Variants in CPO observed in about 807,000 individuals in gnomAD.
CPO encodes metallocarboxypeptidase C.
CPO carries 43 observed loss-of-function variants against 41.2 expected under a neutral mutation model. That is an observed-to-expected ratio of 1.04 (90% confidence interval 0.82 to 1.35). The LOEUF is 1.35. Ranked by LOEUF, CPO falls within the 40% of genes most tolerant of loss-of-function variation. The pLI, the probability that CPO is intolerant of heterozygous loss-of-function variation, is 0.00. For missense variants in CPO, 408 were observed against 451.7 expected (o/e 0.90, Z 0.88); for synonymous variants, 178 against 162.7 (o/e 1.09, Z -0.72).
intron 3 of CPO, among the ~76,000 whole-genome samples, chr2:206,957,531 G>A (rs1421559154): frequency 6.6e-6 from 1 of 152,172 alleles, no homozygotes; most frequent in Non-Finnish European, 1.5e-5. Context: ...TAGAGAGGAA[G>A]GGGGCCTTCA....
chr2:206,957,242 G>A (rs1348182950), intron 3 of CPO, among the ~76,000 whole-genome samples: 2 of 152,004 alleles, frequency 1.3e-5, no homozygotes, highest in Non-Finnish European at 2.9e-5. Context: ...TGGGCGTGGT[G>A]GCATGTGCCT....
chr2:206,954,268 T>C (rs1693318362), intron 2 of CPO, among the ~76,000 whole-genome samples: 1 of 152,212 alleles, frequency 6.6e-6, no homozygotes, highest in African/African-American at 2.4e-5. Context: ...CAAAACTTTA[T>C]GCTCTGTCCC....
intron 7 of CPO, among the ~76,000 whole-genome samples, chr2:206,963,055 A>C (rs73983128): frequency 0.011 from 1,639 of 152,328 alleles, 35 homozygotes; most frequent in African/African-American, 0.038. Context: ...TTCTCTGCTA[A>C]ACACAATGCT....
At chr2:206,945,957 T>A (rs1047960818) in intron 1 of CPO, among the ~76,000 whole-genome samples, 15 of 146,260 alleles carry the variant, frequency 1.0e-4, no homozygotes, top group South Asian at 6.4e-4. Context: ...AATAAATATT[T>A]AAAAAAATTT....
At chr2:206,944,221 T>C (rs1402796583) in intron 1 of CPO, among the ~76,000 whole-genome samples, 2 of 152,050 alleles carry the variant, frequency 1.3e-5, no homozygotes, top group African/African-American at 4.8e-5. Flanking sequence ...CTATTGTTAG[T>C]ATAAAATATA....
At chr2:206,952,628 CA>C (rs1559071115) in intron 2 of CPO, among the ~76,000 whole-genome samples, 1 of 152,140 alleles carries the variant, frequency 6.6e-6, no homozygotes, top group Non-Finnish European at 1.5e-5. Flanking sequence ...GTAATTAAAT[CA>C]GCTGCTATTC....
At chr2:206,958,793 G>A (rs1693423574) in intron 4 of CPO, among the ~76,000 whole-genome samples, 1 of 136,656 alleles carries the variant, frequency 7.3e-6, no homozygotes, top group Admixed American at 7.9e-5. Context: ...CCAGGCTGGA[G>A]TGTAATGGCA....
chr2:206,960,706 A>T, intron 5 of CPO, 146 bp from the exon 6 acceptor site: 1 of 660,826 alleles, frequency 1.5e-6, no homozygotes, highest in South Asian at 1.9e-5. Context: ...ACTAAAAATT[A>T]CACACACAAG....
chr2:206,950,058 T>G (rs1693221708), intron 2 of CPO, among the ~76,000 whole-genome samples: 1 of 152,198 alleles, frequency 6.6e-6, no homozygotes, highest in Non-Finnish European at 1.5e-5. Flanking sequence ...CATTGCTGTT[T>G]ATATGGGTGT....
chr2:206,967,059 A>G (rs1693587665), intron 7 of CPO, among the ~76,000 whole-genome samples: 1 of 152,046 alleles, frequency 6.6e-6, no homozygotes, highest in Non-Finnish European at 1.5e-5. Context: ...GGAAGCCCTG[A>G]GGGGTAAGGC....
rs546703028 is a variant in CPO, at chr2:206,957,632, T to C, written c.268-669T>C. 2.0e-5 allele frequency among the ~76,000 whole-genome samples: 3 copies of C among 152,040 alleles called. No homozygotes were observed. In the East Asian group the frequency reaches 5.8e-4, roughly 29 times the overall value. On this transcript the variant is annotated intron_variant, in intron 3 of 8. Coordinates refer to ENST00000272852, the MANE Select transcript of CPO (RefSeq NM_173077.3). ...GATGTGACTGTTCCAAGCATGGGAG[T>C]GTTAACAGCCTCTTCTCCACCAAAG...
rs2105831801 is a variant in CPO, at chr2:206,969,383, A to T, written c.1072A>T (p.Thr358Ser). 1 of 1,614,040 alleles carries T rather than the reference A, an allele frequency of 6.2e-7. No homozygotes were observed. Among genetic ancestry groups the T allele is most frequent in the Non-Finnish European group, 8.5e-7 (1 of 1,179,988 alleles). The stretch of plus-strand genomic sequence containing the variant: ...GCACTCGGACAGTGCTGGAAGGGTG[A>T]CATCTGCCACTATGCTGCTGGGCCT... ...HWHSDSAGRV[T>S]SATMLLGLLV... Residue 358 changes from threonine (T) to serine (S), a missense_variant, in exon 9 of 9, where the codon ACA becomes TCA. Physicochemically the swap from Thr to Ser is moderately conservative, Grantham distance 58. Coordinates refer to ENST00000272852, the MANE Select transcript of CPO (RefSeq NM_173077.3).
chr2:206,949,609 C>A lies in CPO; in HGVS notation c.69-8C>A, dbSNP rs759031634. 6.2e-6 allele frequency: 10 copies of A among 1,608,674 alleles called. No homozygotes were observed. Among genetic ancestry groups the A allele is most frequent in the Non-Finnish European group, 7.7e-6 (9 of 1,175,546 alleles). ...ACTGCTTTTCCTCTTACTTTCTTCC[C>A]TTTGCAGATCCTTAGCCCAACACAG... On this transcript the variant is annotated splice_polypyrimidine_tract_variant and splice_region_variant and intron_variant, in intron 1 of 8. Transcript: ENST00000272852.
intron 7 of CPO, among the ~76,000 whole-genome samples, chr2:206,966,871 G>A (rs1693585177): frequency 6.6e-6 from 1 of 152,140 alleles, no homozygotes; most frequent in South Asian, 2.1e-4. Flanking sequence ...CTGCCTTTTG[G>A]CCAACATAAA....
intron 1 of CPO, among the ~76,000 whole-genome samples, chr2:206,944,473 AATAG>A (rs570869842): frequency 1.1e-3 from 169 of 152,132 alleles, no homozygotes; most frequent in African/African-American, 3.9e-3. Flanking sequence ...AAATATTATA[AATAG>A]ATTTGTGAAT....
chr2:206,941,527 G>T (rs1693029712), intron 1 of CPO, among the ~76,000 whole-genome samples: 1 of 152,044 alleles, frequency 6.6e-6, no homozygotes, highest in Non-Finnish European at 1.5e-5. Context: ...TAAAAAATTA[G>T]ATTCCAAGCC....
Position 206,967,349 on chromosome 2 carries a change from A to C in CPO, c.778-914A>C, listed in dbSNP as rs11891069. ...TGAAATGCTATATATATATATATAT[A>C]TAGATATATAGATATAGATATAGAT... On this transcript the variant is annotated intron_variant, in intron 7 of 8. Transcript: ENST00000272852. Among the ~76,000 whole-genome samples, 1,120 of 112,194 alleles carry C rather than the reference A, an allele frequency of 1.0e-2. 22 individuals are homozygous for C. The highest frequency in any genetic ancestry group is 0.036 in the African/African-American group (995 of 27,318). The allele number at this position is 112,194 out of a possible 152,430, so 73.6% of individuals were successfully genotyped here.
chr2:206,954,431 G>T (rs1693322045), intron 2 of CPO, among the ~76,000 whole-genome samples: 1 of 152,068 alleles, frequency 6.6e-6, no homozygotes. Flanking sequence ...TCAGTTCTCA[G>T]CAAGTTCCTC....
At chr2:206,942,146 G>A (rs1256744294) in intron 1 of CPO, among the ~76,000 whole-genome samples, 1 of 152,092 alleles carries the variant, frequency 6.6e-6, no homozygotes, top group Non-Finnish European at 1.5e-5. Context: ...CAAATAGTGT[G>A]CAACCATTAA....
Sources: allele counts gnomAD v4.1 joint callset (sites outside exome capture counted in the v4.1 genomes callset), GRCh38; gene constraint gnomAD v4.1.1; transcripts MANE v1.5; gene names NCBI Gene and HGNC (gene_info 2026-07-23, HGNC 2026-07-21).